ARSG: variants seen among roughly 807,000 people sequenced by gnomAD.
The protein encoded by ARSG is ASG.
ARSG carries 37 observed loss-of-function variants against 50.5 expected under a neutral mutation model. The ratio of observed to expected loss-of-function variants is 0.73; its 90% confidence interval spans 0.56 to 0.96. The LOEUF is 0.96. ARSG is among the 50% of genes least tolerant of loss of function. The pLI is 0.00. For missense variants in ARSG, 629 were observed against 675.3 expected, an observed-to-expected ratio of 0.93 and a Z score of 0.76; for synonymous variants, 225 against 254.6, an observed-to-expected ratio of 0.88 and a Z score of 1.11.
chr17:68,301,858 C>G (rs2076429653), intron 1 of ARSG, among the ~76,000 whole-genome samples: 1 of 152,004 alleles, frequency 6.6e-6, no homozygotes, highest in African/African-American at 2.4e-5. Flanking sequence ...GGCTGCGTAG[C>G]TTCCTCCCTG....
intron 8 of ARSG, among the ~76,000 whole-genome samples, chr17:68,379,648 T>C (rs568288017): frequency 3.3e-5 from 5 of 152,180 alleles, no homozygotes; most frequent in Non-Finnish European, 5.9e-5. Context: ...CAGTCACAAA[T>C]GCTAATGCCT....
intron 8 of ARSG, 114 bp from the exon 9 acceptor site, chr17:68,384,950 T>G: frequency 2.6e-6 from 2 of 760,746 alleles, no homozygotes; most frequent in Non-Finnish European, 4.4e-6. Flanking sequence ...AGTCATTCCT[T>G]TGTTGGGGTT....
chr17:68,421,477 C>T (rs1337371605), downstream of ARSG: 2 of 392,426 alleles, frequency 5.1e-6, no homozygotes, highest in Admixed American at 3.8e-5. Flanking sequence ...AAAGGAGGCC[C>T]CTTTTAATAT....
At chr17:68,340,710 T>C (rs548579207) in intron 2 of ARSG, among the ~76,000 whole-genome samples, 11 of 152,340 alleles carry the variant, frequency 7.2e-5, no homozygotes, top group African/African-American at 2.4e-4. Context: ...GTACTTCTCC[T>C]TCCTCAAATC....
intron 1 of ARSG, among the ~76,000 whole-genome samples, chr17:68,286,170 AT>A (rs2075838189): frequency 1.3e-5 from 2 of 152,226 alleles, no homozygotes; most frequent in Non-Finnish European, 2.9e-5. Context: ...ATTACCTGCC[AT>A]CATGAGAAGG....
chr17:68,271,323 C>T lies in ARSG; in HGVS notation c.-552+11897C>T. Reference sequence around the variant, plus strand: ...TGGAGAAGTCTAATAGCGGGGCTTTCTTTTCGCTTGGCCTGGGGCTGGTCT... The same window carrying T: ...TGGAGAAGTCTAATAGCGGGGCTTTTTTTTCGCTTGGCCTGGGGCTGGTCT... On this transcript the variant is annotated intron_variant, in intron 1 of 11. Transcript: ENST00000448504. The surrounding 1 kb of genome is among the most constrained non-coding windows in gnomAD (Gnocchi z 5.3). 6.2e-7 allele frequency: 1 copy of T among 1,614,226 alleles called. No homozygotes were observed. The highest frequency in any genetic ancestry group is 8.5e-7 in the Non-Finnish European group (1 of 1,180,036).
intron 8 of ARSG, among the ~76,000 whole-genome samples, chr17:68,373,614 T>G (rs2079978022): frequency 6.6e-6 from 1 of 152,198 alleles, no homozygotes; most frequent in Admixed American, 6.5e-5. Flanking sequence ...TGGCCATATC[T>G]TGTGTCTGGA....
chr17:68,384,730 A>C (rs974203805), intron 8 of ARSG, among the ~76,000 whole-genome samples: 1 of 152,208 alleles, frequency 6.6e-6, no homozygotes. Flanking sequence ...TCTTAGGTGC[A>C]TGAGACTGAT....
Position 68,271,484 on chromosome 17 carries a change from G to C in ARSG, c.-552+12058G>C, listed in dbSNP as rs1168203877. 1 of 1,614,152 alleles carries C rather than the reference G, an allele frequency of 6.2e-7. No individual in the cohort carries two copies. The highest frequency in any genetic ancestry group is 1.7e-5 in the Admixed American group (1 of 60,026). On this transcript the variant is annotated intron_variant, in intron 1 of 11. Coordinates refer to the ARSG transcript ENST00000448504. The surrounding 1 kb of genome is among the most constrained non-coding windows in gnomAD (Gnocchi z 5.3). ...GAGGTTCGTGTTTTCTCATTTTCAA[G>C]CATATACTGCGCTTCTTTCCGATTT...
chr17:68,330,190 G>A lies in ARSG; in HGVS notation c.219-13414G>A, dbSNP rs1599745252. 3.3e-5 allele frequency among the ~76,000 whole-genome samples: 5 copies of A among 151,856 alleles called. 1 individual carries two copies. In the South Asian group the frequency reaches 1.0e-3, roughly 32 times the overall value. On this transcript the variant is annotated intron_variant, in intron 2 of 11. Transcript: ENST00000621439. ...GAGCCACTGCACTCCAGCCTGGGTG[G>A]CAGAGTGAGGCTCCATCTCAAAAAA...
At position 68,399,569 on chromosome 17, in the gene ARSG, G is replaced by A. The variant is rs1461285577; in HGVS notation, c.1213-1791G>A. On this transcript the variant is annotated intron_variant, in intron 10 of 11. Transcript: ENST00000621439. This position sits in a 1 kb window ranked among gnomAD's most constrained non-coding sequence, Gnocchi z 4.6. The stretch of plus-strand genomic sequence containing the variant: ...GATATAAACAAGAAAGCCATAATGG[G>A]TCTTCTCAAACAAACAAAAAAAATG... Among the ~76,000 whole-genome samples the A allele has an allele frequency of 6.6e-6, 1 of 152,124 alleles. No individual in the cohort carries two copies. The highest frequency in any genetic ancestry group is 2.4e-5 in the African/African-American group (1 of 41,408).
At chr17:68,431,493 A>G in the ARSG span, among the ~76,000 whole-genome samples, 1 of 151,960 alleles carries the variant, frequency 6.6e-6, no homozygotes, top group African/African-American at 2.4e-5. Flanking sequence ...GGGGGACGGG[A>G]GGAGCTGGGA....
At chr17:68,417,315 G>C (rs1447349554) in intron 11 of ARSG, among the ~76,000 whole-genome samples, 1 of 152,136 alleles carries the variant, frequency 6.6e-6, no homozygotes, top group Non-Finnish European at 1.5e-5. Context: ...GGCAGGCCTT[G>C]TTAAGAAAAC....
chr17:68,267,019 G>A (rs1406248942), intron 1 of ARSG: 1 of 152,046 alleles, frequency 6.6e-6, no homozygotes, highest in Non-Finnish European at 1.5e-5. Flanking sequence ...TCTTAGAAGA[G>A]AATCGGTCTC....
At chr17:68,334,410 C>T (rs867498024) in intron 2 of ARSG, among the ~76,000 whole-genome samples, 14 of 152,218 alleles carry the variant, frequency 9.2e-5, no homozygotes, top group Middle Eastern at 3.4e-3. Flanking sequence ...GGTAGCACCC[C>T]ATTTATTCTT....
At chr17:68,448,084 G>A in the ARSG span, among the ~76,000 whole-genome samples, 1 of 151,734 alleles carries the variant, frequency 6.6e-6, no homozygotes, top group African/African-American at 2.4e-5. Context: ...AAGAAACTGT[G>A]CTGTCTGAAG....
At chr17:68,286,993 T>A (rs1338665993), upstream of ARSG, among the ~76,000 whole-genome samples, 7 of 152,154 alleles carry the variant, frequency 4.6e-5, no homozygotes, top group Non-Finnish European at 1.0e-4. Flanking sequence ...TTTTTGTTTT[T>A]GTTTTTGGAG....
chr17:68,397,698 ATG>A (rs1386133794), intron 10 of ARSG, among the ~76,000 whole-genome samples: 3 of 152,184 alleles, frequency 2.0e-5, no homozygotes, highest in African/African-American at 7.2e-5. Context: ...ACGTCTATAC[ATG>A]TGTGTTATAC....
chr17:68,286,107 G>A (rs546894696), intron 1 of ARSG, among the ~76,000 whole-genome samples: 2 of 152,284 alleles, frequency 1.3e-5, no homozygotes, highest in South Asian at 4.1e-4. Context: ...GGACCGGGCT[G>A]TGGGTTGCAT....
Sources: allele counts gnomAD v4.1 joint callset (sites outside exome capture counted in the v4.1 genomes callset), GRCh38; gene constraint gnomAD v4.1.1; non-coding constraint Gnocchi (gnomAD v3.1); transcripts MANE v1.5; gene names NCBI Gene and HGNC (gene_info 2026-07-23, HGNC 2026-07-21).